TAFA1: variants seen among roughly 807,000 people sequenced by gnomAD.
TAFA1 encodes TAFA chemokine like family member 1, also known as chemokine-like protein TAFA-1.
TAFA1 carries 4 observed loss-of-function variants against 18.5 expected under a neutral mutation model. The observed-to-expected ratio is 0.22, with a 90% CI of 0.11 to 0.49. The LOEUF is 0.49. TAFA1 is among the 20% of genes least tolerant of loss of function. The probability of loss-of-function intolerance (pLI) is 0.98; values close to 1 mark genes in which losing one functional copy is unlikely to be tolerated. For synonymous variants in TAFA1, 56 were observed against 55.2 expected (o/e 1.01, Z -0.06); for missense variants, 147 against 169.0 (o/e 0.87, Z 0.72).
chr3:68,170,261 G>A (rs1486987634), intron 2 of TAFA1, among the ~76,000 whole-genome samples: 1 of 152,048 alleles, frequency 6.6e-6, no homozygotes, highest in Admixed American at 6.6e-5. Context: ...CAGTTTTGGG[G>A]CTCCCCAAAA....
At chr3:68,298,636 C>T (rs956659024) in intron 2 of TAFA1, among the ~76,000 whole-genome samples, 1 of 152,166 alleles carries the variant, frequency 6.6e-6, no homozygotes, top group Admixed American at 6.5e-5. Flanking sequence ...CCCCTGTGCT[C>T]TTCTTGTGAT....
At chr3:68,503,283 C>G (rs1429298624) in intron 3 of TAFA1, among the ~76,000 whole-genome samples, 2 of 152,112 alleles carry the variant, frequency 1.3e-5, no homozygotes, top group Non-Finnish European at 1.5e-5. Flanking sequence ...CCCACAGTAT[C>G]TCATTATGTA....
At chr3:68,275,293 G>C (rs1333476566) in intron 2 of TAFA1, among the ~76,000 whole-genome samples, 1 of 152,026 alleles carries the variant, frequency 6.6e-6, no homozygotes, top group Admixed American at 6.6e-5. Flanking sequence ...CAATCTTTGT[G>C]GGGGAGTGAA....
At chr3:68,328,315 A>G (rs1213885905) in intron 2 of TAFA1, among the ~76,000 whole-genome samples, 1 of 152,096 alleles carries the variant, frequency 6.6e-6, no homozygotes, top group Non-Finnish European at 1.5e-5. Context: ...ATTGCTTTTG[A>G]TGTTGGGTAA....
chr3:68,376,412 C>G (rs957855333), intron 2 of TAFA1, among the ~76,000 whole-genome samples: 1 of 152,068 alleles, frequency 6.6e-6, no homozygotes, highest in Admixed American at 6.6e-5. Flanking sequence ...CTCCCACCAT[C>G]TACCCTCAAG....
chr3:68,071,530 G>A (rs2064754963), intron 2 of TAFA1, among the ~76,000 whole-genome samples: 1 of 152,174 alleles, frequency 6.6e-6, no homozygotes, highest in African/African-American at 2.4e-5. Context: ...ACTGGAAGAG[G>A]TGTGGTATAG....
intron 2 of TAFA1, among the ~76,000 whole-genome samples, chr3:68,230,276 A>G (rs1341231369): frequency 6.7e-6 from 1 of 149,888 alleles, no homozygotes; most frequent in Non-Finnish European, 1.5e-5. Context: ...CAACCCCCCA[A>G]TGAACCTTCC....
At chr3:68,492,327 T>C (rs1344541334) in intron 3 of TAFA1, among the ~76,000 whole-genome samples, 1 of 152,172 alleles carries the variant, frequency 6.6e-6, no homozygotes, top group Non-Finnish European at 1.5e-5. Context: ...TTGTTTTTTT[T>C]TGCATCAAGT....
chr3:68,339,359 T>A (rs775937242), intron 2 of TAFA1, among the ~76,000 whole-genome samples: 1 of 152,222 alleles, frequency 6.6e-6, no homozygotes, highest in Non-Finnish European at 1.5e-5. Flanking sequence ...ATACAGAGAC[T>A]TGTATGATTA....
chr3:68,184,090 G>A (rs973577205), intron 2 of TAFA1, among the ~76,000 whole-genome samples: 2 of 151,958 alleles, frequency 1.3e-5, no homozygotes, highest in Non-Finnish European at 2.9e-5. Context: ...CCAGGATAGC[G>A]ATATGACACT....
At chr3:68,503,123 T>C (rs1227064448) in intron 3 of TAFA1, among the ~76,000 whole-genome samples, 1 of 152,164 alleles carries the variant, frequency 6.6e-6, no homozygotes, top group Non-Finnish European at 1.5e-5. Context: ...ATACTTGATC[T>C]CATGTGACAA....
intron 2 of TAFA1, among the ~76,000 whole-genome samples, chr3:68,096,294 T>C (rs181489528): frequency 3.7e-4 from 57 of 152,268 alleles, no homozygotes; most frequent in African/African-American, 1.3e-3. Flanking sequence ...TATTCCATTG[T>C]ACATATGTAC....
At position 68,544,541 on chromosome 3, in the gene TAFA1, T is replaced by G; in HGVS notation, c.*38T>G. On this transcript the variant is annotated 3_prime_UTR_variant, in exon 5 of 5. Coordinates refer to ENST00000478136, the MANE Select transcript of TAFA1 (RefSeq NM_213609.4). ...TGGTAGTAAAGGAAAACCAACCCTC[T>G]GGAAAATACATTTTGAGAATCTCAA... 6.2e-7 allele frequency: 1 copy of G among 1,605,890 alleles called. No homozygotes were observed. The highest frequency in any genetic ancestry group is 8.5e-7 in the Non-Finnish European group (1 of 1,173,268).
intron 2 of TAFA1, among the ~76,000 whole-genome samples, chr3:68,055,173 C>A (rs1166851441): frequency 1.3e-5 from 2 of 152,076 alleles, no homozygotes; most frequent in African/African-American, 4.8e-5. Flanking sequence ...GAAACTTAAT[C>A]CCCTGAAGAA....
Position 68,481,992 on chromosome 3 carries a change from A to C in TAFA1, c.260-56764A>C, listed in dbSNP as rs1177238493. The stretch of plus-strand genomic sequence containing the variant: ...TCTGTTACTCAAGAAAAGAGATCCA[A>C]AAGACAGCATACTTTCTTTTTTTTG... On this transcript the variant is annotated intron_variant, in intron 3 of 4. Transcript: ENST00000478136. 3.9e-5 allele frequency among the ~76,000 whole-genome samples: 6 copies of C among 152,304 alleles called. No homozygotes were observed. The South Asian group carries it at 1.2e-3, about 32-fold the overall frequency.
At chr3:68,106,133 T>C (rs773383791) in intron 2 of TAFA1, among the ~76,000 whole-genome samples, 1 of 151,972 alleles carries the variant, frequency 6.6e-6, no homozygotes, top group African/African-American at 2.4e-5. Context: ...TTCAAAAATG[T>C]TACTGGGACA....
At chr3:68,342,512 A>G (rs1303754119) in intron 2 of TAFA1, among the ~76,000 whole-genome samples, 2 of 152,224 alleles carry the variant, frequency 1.3e-5, no homozygotes, top group African/African-American at 2.4e-5. Flanking sequence ...CCTGCAGAAA[A>G]TAAGATTTTC....
chr3:68,101,777 T>C (rs2065150472), intron 2 of TAFA1, among the ~76,000 whole-genome samples: 1 of 152,102 alleles, frequency 6.6e-6, no homozygotes, highest in Non-Finnish European at 1.5e-5. Flanking sequence ...AGTAGAGTCA[T>C]GTCATGGAGT....
At position 68,305,409 on chromosome 3, in the gene TAFA1, C is replaced by CTATATATATA. The variant is rs773025236; in HGVS notation, c.119-111832_119-111823dup. Among the ~76,000 whole-genome samples the CTATATATATA allele has an allele frequency of 2.1e-3, 79 of 38,196 alleles. 10 individuals carry two copies. The highest frequency in any genetic ancestry group is 2.5e-3 in the Non-Finnish European group (55 of 21,664). 25.1% of individuals were successfully genotyped at this position (38,196 alleles called of 152,430 possible). ...TATATGACTATATATGACTATATGA[C>CTATATATATA]TATATATATATATATATATATATAT... On this transcript the variant is annotated intron_variant, in intron 2 of 4. Transcript: ENST00000478136.
Sources: gnomAD v4.1 joint callset for allele counts (sites outside exome capture counted in the v4.1 genomes callset) on GRCh38, gnomAD v4.1.1 for gene constraint, MANE v1.5 for transcripts, NCBI Gene and HGNC (gene_info 2026-07-23, HGNC 2026-07-21) for gene names.